PCDH9: variants seen among roughly 807,000 people sequenced by gnomAD.
The protein encoded by PCDH9 is protocadherin-9.
A neutral mutation model predicts 70.6 loss-of-function variants in PCDH9; 24 were observed. That is an observed-to-expected ratio of 0.34 (90% CI 0.25 to 0.48). The LOEUF (loss-of-function observed/expected upper bound fraction) is 0.48, where lower values mean the gene tolerates loss of function less well. PCDH9 is among the 20% of genes least tolerant of loss of function. The probability of loss-of-function intolerance (pLI) is 0.99; values close to 1 mark genes in which losing one functional copy is unlikely to be tolerated. For synonymous variants in PCDH9, 562 were observed against 558.5 expected (o/e 1.01, Z -0.09); for missense variants, 1,281 against 1,503.6 (o/e 0.85, Z 2.45).
At chr13:66,359,684 A>T (rs1032478638) in intron 4 of PCDH9, among the ~76,000 whole-genome samples, 18 of 152,232 alleles carry the variant, frequency 1.2e-4, no homozygotes, top group Middle Eastern at 3.4e-3. Flanking sequence ...GTGAGGACAA[A>T]GCAAAACTAT....
intron 2 of PCDH9, chr13:66,990,753 GTAA>G (rs202166228): frequency 6.6e-6 from 1 of 151,452 alleles, no homozygotes; most frequent in Non-Finnish European, 1.5e-5. Flanking sequence ...TGAATTTCTA[GTAA>G]TAATAATATT....
At chr13:66,755,980 CTTA>C (rs10597306) in intron 3 of PCDH9, among the ~76,000 whole-genome samples, 4,071 of 152,102 alleles carry the variant, frequency 0.027, 162 homozygotes, top group African/African-American at 0.09. Context: ...AATATGGTGC[CTTA>C]TTAATAATGA....
chr13:66,778,279 T>C (rs1031366586), intron 3 of PCDH9, among the ~76,000 whole-genome samples: 1 of 151,620 alleles, frequency 6.6e-6, no homozygotes, highest in Non-Finnish European at 1.5e-5. Flanking sequence ...ACTTAAAGTA[T>C]AATAATAATA....
chr13:67,051,761 C>T (rs1566390464), intron 2 of PCDH9, among the ~76,000 whole-genome samples: 1 of 152,000 alleles, frequency 6.6e-6, no homozygotes, highest in African/African-American at 2.4e-5. Context: ...AGAAACCATC[C>T]TGACTTTCAG....
chr13:66,771,284 T>C (rs968558765), intron 3 of PCDH9, among the ~76,000 whole-genome samples: 4 of 152,178 alleles, frequency 2.6e-5, no homozygotes, highest in Non-Finnish European at 5.9e-5. Flanking sequence ...TTTAATTAGC[T>C]TTAGATCTAT....
intron 4 of PCDH9, among the ~76,000 whole-genome samples, chr13:66,453,944 TATG>T (rs2138434608): frequency 6.6e-6 from 1 of 152,082 alleles, no homozygotes; most frequent in African/African-American, 2.4e-5. Flanking sequence ...TAGAAGAAAA[TATG>T]ATATTTGTCT....
At chr13:66,346,847 T>C (rs1956219271) in intron 4 of PCDH9, among the ~76,000 whole-genome samples, 1 of 152,142 alleles carries the variant, frequency 6.6e-6, no homozygotes, top group Non-Finnish European at 1.5e-5. Context: ...CCCTCACAGC[T>C]CTGTGAATTA....
intron 3 of PCDH9, among the ~76,000 whole-genome samples, chr13:66,792,123 T>C (rs570503815): frequency 6.6e-6 from 1 of 152,220 alleles, no homozygotes; most frequent in Admixed American, 6.5e-5. Flanking sequence ...AGTAATTATA[T>C]GTAAGTCAGT....
At chr13:66,480,347 G>T (rs944256195) in intron 4 of PCDH9, among the ~76,000 whole-genome samples, 2 of 152,172 alleles carry the variant, frequency 1.3e-5, no homozygotes, top group Non-Finnish European at 2.9e-5. Flanking sequence ...TCTTGAGATG[G>T]AATCTACTCC....
At chr13:66,438,161 G>C (rs642827) in intron 4 of PCDH9, among the ~76,000 whole-genome samples, 1 of 151,744 alleles carries the variant, frequency 6.6e-6, no homozygotes, top group African/African-American at 2.4e-5. Context: ...TTGAAACCGG[G>C]AGGTAGAGGT....
intron 2 of PCDH9, among the ~76,000 whole-genome samples, chr13:67,138,458 G>A (rs761829975): frequency 7.2e-5 from 11 of 152,296 alleles, no homozygotes; most frequent in Middle Eastern, 3.4e-3. Flanking sequence ...GGAAAATAGG[G>A]TCTGGAGGCA....
intron 4 of PCDH9, among the ~76,000 whole-genome samples, chr13:66,331,124 T>A (rs1955934424): frequency 6.6e-6 from 1 of 152,180 alleles, no homozygotes; most frequent in African/African-American, 2.4e-5. Flanking sequence ...TCTGTGTGTA[T>A]GTGCGTGTGT....
Position 66,666,187 on chromosome 13 carries a change from A to G in PCDH9, c.3139-34776T>C, listed in dbSNP as rs537269588. The stretch of plus-strand genomic sequence containing the variant: ...CAACAGGGGCACATCCAGAAGTCAG[A>G]GCTGGAAAACAGAGCAGGTCAAACG... On this transcript the variant is annotated intron_variant, in intron 3 of 4. Coordinates refer to ENST00000377865, the MANE Select transcript of PCDH9 (RefSeq NM_203487.3). Among the ~76,000 whole-genome samples the G allele has an allele frequency of 5.3e-5, 8 of 152,362 alleles. No homozygotes were observed. In the East Asian group the frequency reaches 5.8e-4, roughly 11 times the overall value.
chr13:66,867,815 GA>G (rs2081602798), intron 3 of PCDH9, among the ~76,000 whole-genome samples: 1 of 151,682 alleles, frequency 6.6e-6, no homozygotes. Context: ...TGAACTTTTT[GA>G]AAAAAATCCT....
At chr13:67,091,077 G>A (rs1594498339) in intron 2 of PCDH9, among the ~76,000 whole-genome samples, 1 of 152,046 alleles carries the variant, frequency 6.6e-6, no homozygotes, top group Admixed American at 6.6e-5. Context: ...AAATGACTCA[G>A]TTTCAACTTC....
At chr13:66,305,806 G>A (rs1955454884) in intron 4 of PCDH9, among the ~76,000 whole-genome samples, 1 of 152,026 alleles carries the variant, frequency 6.6e-6, no homozygotes, top group Non-Finnish European at 1.5e-5. Flanking sequence ...ATCACATGGA[G>A]TCTAACATTC....
At chr13:66,400,419 A>G (rs1169870695) in intron 4 of PCDH9, among the ~76,000 whole-genome samples, 5 of 152,240 alleles carry the variant, frequency 3.3e-5, no homozygotes, top group Non-Finnish European at 7.3e-5. Flanking sequence ...TCATATCTCT[A>G]TAATAAATCT....
chr13:66,327,650 A>T (rs567764845), intron 4 of PCDH9, among the ~76,000 whole-genome samples: 5 of 152,200 alleles, frequency 3.3e-5, no homozygotes, highest in Non-Finnish European at 7.3e-5. Flanking sequence ...CTGTGCTATT[A>T]TAGGAGTGGA....
intron 3 of PCDH9, among the ~76,000 whole-genome samples, chr13:66,853,055 T>C (rs2081339548): frequency 2.0e-5 from 3 of 151,988 alleles, no homozygotes; most frequent in Admixed American, 2.0e-4. Flanking sequence ...TAATTATTGA[T>C]GTAATCTGAA....
Sources: allele counts gnomAD v4.1 joint callset (sites outside exome capture counted in the v4.1 genomes callset), GRCh38; gene constraint gnomAD v4.1.1; transcripts MANE v1.5; gene names NCBI Gene and HGNC (gene_info 2026-07-23, HGNC 2026-07-21).